Variants in SLC2A13 observed in about 807,000 individuals in gnomAD.
The protein encoded by SLC2A13 is solute carrier family 2 member 13, also known as proton myo-inositol cotransporter.
Under a neutral mutation model 64.4 loss-of-function variants are expected in SLC2A13, and 32 were observed. The ratio of observed to expected loss-of-function variants is 0.50; its 90% CI spans 0.37 to 0.67. The LOEUF is 0.67. Among genes scored for constraint, SLC2A13 ranks in the 30% least tolerant of loss-of-function variants. SLC2A13 has a pLI of 0.00. For synonymous variants in SLC2A13, 338 were observed against 327.1 expected, an observed-to-expected ratio of 1.03 and a Z score of -0.36; for missense variants, 743 against 829.2, an observed-to-expected ratio of 0.90 and a Z score of 1.28.
intron 7 of SLC2A13, among the ~76,000 whole-genome samples, chr12:39,800,759 G>T (rs1162651358): frequency 6.7e-4 from 3 of 4,478 alleles, no homozygotes; most frequent in Non-Finnish European, 9.9e-4. Flanking sequence ...TATACCCAAA[G>T]GACTATAAAT....
chr12:39,912,636 A>T (rs1945449738), intron 4 of SLC2A13, among the ~76,000 whole-genome samples: 1 of 152,006 alleles, frequency 6.6e-6, no homozygotes, highest in Non-Finnish European at 1.5e-5. Context: ...TAAAAATATC[A>T]CTTGCCCAGT....
chr12:39,997,086 T>G (rs2136175673), intron 3 of SLC2A13, among the ~76,000 whole-genome samples: 1 of 152,234 alleles, frequency 6.6e-6, no homozygotes, highest in East Asian at 1.9e-4. Context: ...AAAGCAAGAC[T>G]AAGCAAAAAG....
intron 4 of SLC2A13, among the ~76,000 whole-genome samples, chr12:39,912,544 T>C (rs1945448488): frequency 6.6e-6 from 1 of 152,058 alleles, no homozygotes; most frequent in Admixed American, 6.6e-5. Flanking sequence ...AAAGTTATAA[T>C]CGAGGAAGAT....
chr12:39,835,771 G>C (rs963827965), intron 6 of SLC2A13: 10 of 152,094 alleles, frequency 6.6e-5, no homozygotes, highest in African/African-American at 2.4e-4. Flanking sequence ...AACAGCTCTA[G>C]AAATCAAGGC....
rs1192990149 is a variant in SLC2A13 at position 39,971,995 on chromosome 12, A to ATAT, written c.926-20631_926-20630insATA. 1.5e-3 allele frequency among the ~76,000 whole-genome samples: 72 copies of ATAT among 48,504 alleles called. 1 individual carries two copies. The highest frequency in any genetic ancestry group is 1.9e-3 in the Non-Finnish European group (43 of 22,074). The allele number at this position is 48,504 out of a possible 152,430, so 31.8% of individuals were successfully genotyped here. A position where few individuals can be genotyped will look rare whatever the true frequency, so the allele number is the denominator to read the frequency against. On this transcript the variant is annotated intron_variant, in intron 3 of 9. Coordinates refer to ENST00000280871, the MANE Select transcript of SLC2A13 (RefSeq NM_052885.4). ...AAGAGTGTCTCCAGAAAAAAAAAAAAAAATATATATATATATATATTTTTT... is the reference window on the plus strand; with the variant it reads ...AAGAGTGTCTCCAGAAAAAAAAAAAATATAAATATATATATATATATATTTTTT...
At chr12:39,772,080 C>T (rs77433494) in intron 7 of SLC2A13, among the ~76,000 whole-genome samples, 2,127 of 152,152 alleles carry the variant, frequency 0.014, 45 homozygotes, top group African/African-American at 0.048. Flanking sequence ...TTTCACTTTC[C>T]TCATTTATGT....
chr12:40,099,762 T>C (rs1939083716), intron 1 of SLC2A13, among the ~76,000 whole-genome samples: 1 of 152,154 alleles, frequency 6.6e-6, no homozygotes, highest in African/African-American at 2.4e-5. Flanking sequence ...AACAAAGCTG[T>C]TAATGTGTAT....
At chr12:40,006,242 A>G (rs1040848632) in intron 3 of SLC2A13, among the ~76,000 whole-genome samples, 5 of 152,224 alleles carry the variant, frequency 3.3e-5, no homozygotes, top group Non-Finnish European at 7.3e-5. Flanking sequence ...CCAAAAAGAA[A>G]TTTTGAAATG....
chr12:39,773,761 C>T (rs953913121), intron 7 of SLC2A13, among the ~76,000 whole-genome samples: 1 of 152,152 alleles, frequency 6.6e-6, no homozygotes, highest in Non-Finnish European at 1.5e-5. Flanking sequence ...TGTATAAAAA[C>T]CAAAACTTCC....
intron 4 of SLC2A13, among the ~76,000 whole-genome samples, chr12:39,924,030 T>C (rs1019538307): frequency 1.6e-4 from 24 of 152,128 alleles, no homozygotes; most frequent in African/African-American, 5.3e-4. Flanking sequence ...TTGTATTGAA[T>C]ACAGCTTATC....
At chr12:40,089,224 T>A (rs931097772) in intron 1 of SLC2A13, among the ~76,000 whole-genome samples, 1 of 152,138 alleles carries the variant, frequency 6.6e-6, no homozygotes, top group Admixed American at 6.6e-5. Flanking sequence ...AAGAACATAA[T>A]GTTCTTGATT....
At chr12:40,075,637 C>A (rs1276339978) in intron 1 of SLC2A13, among the ~76,000 whole-genome samples, 1 of 152,126 alleles carries the variant, frequency 6.6e-6, no homozygotes, top group Non-Finnish European at 1.5e-5. Flanking sequence ...AAGTTTATGT[C>A]TTTCACCAAG....
chr12:39,814,198 G>T (rs1942274163), intron 7 of SLC2A13, among the ~76,000 whole-genome samples: 2 of 152,184 alleles, frequency 1.3e-5, no homozygotes, highest in Non-Finnish European at 2.9e-5. Flanking sequence ...GATGTAGATT[G>T]TACTGCTGGA....
rs185533318 is a variant in SLC2A13 at position 39,881,653 on chromosome 12, T to A, written c.1035-9692A>T. Among the ~76,000 whole-genome samples the A allele has an allele frequency of 3.0e-3, 451 of 152,312 alleles. 2 individuals carry two copies. The highest frequency in any genetic ancestry group is 4.8e-3 in the Non-Finnish European group (325 of 68,036). On this transcript the variant is annotated intron_variant, in intron 4 of 9. Transcript: ENST00000280871. Reference sequence around the variant, plus strand: ...CATCTCAGCCGTCCCATACTCTTTTTCTGTGCCCTGTGAACTAAGTCTAGA... The same window carrying A: ...CATCTCAGCCGTCCCATACTCTTTTACTGTGCCCTGTGAACTAAGTCTAGA...
At chr12:40,057,333 G>T (rs1187164899) in intron 1 of SLC2A13, among the ~76,000 whole-genome samples, 1 of 152,044 alleles carries the variant, frequency 6.6e-6, no homozygotes, top group Non-Finnish European at 1.5e-5. Flanking sequence ...GGGTGCTAAA[G>T]CTGGAAACAT....
intron 7 of SLC2A13, among the ~76,000 whole-genome samples, chr12:39,787,978 G>C (rs1369278162): frequency 6.6e-6 from 1 of 152,118 alleles, no homozygotes; most frequent in Non-Finnish European, 1.5e-5. Context: ...TTCTATCATA[G>C]AAATTTGGCC....
At chr12:39,873,658 A>G (rs1215451447) in intron 4 of SLC2A13, among the ~76,000 whole-genome samples, 1 of 152,222 alleles carries the variant, frequency 6.6e-6, no homozygotes, top group Non-Finnish European at 1.5e-5. Context: ...TTAAAACAGA[A>G]GCTATTTTGA....
At chr12:39,923,591 C>T (rs1319384751) in intron 4 of SLC2A13, among the ~76,000 whole-genome samples, 2 of 151,200 alleles carry the variant, frequency 1.3e-5, no homozygotes, top group Admixed American at 1.3e-4. Flanking sequence ...GATGATTGCA[C>T]AACATTGTAA....
In SLC2A13 at chr12:39,756,575, A is replaced by T. The variant is rs1939974060; in HGVS notation, c.*3451T>A. 1 of 151,900 alleles carries T rather than the reference A, an allele frequency of 6.6e-6. No homozygotes were observed. Among genetic ancestry groups the T allele is most frequent in the South Asian group, 2.1e-4 (1 of 4,830 alleles). The allele number at this position is 151,900 out of a possible 1,614,324, so 9.4% of individuals were successfully genotyped here. ...TGTATTAGTGTCACTAAATTCTGAG[A>T]CTTTCTTAGATAAACATATGGATGG... On this transcript the variant is annotated 3_prime_UTR_variant, in exon 10 of 10. Coordinates refer to ENST00000280871, the MANE Select transcript of SLC2A13 (RefSeq NM_052885.4).
Sources: gnomAD v4.1 joint callset for allele counts (sites outside exome capture counted in the v4.1 genomes callset) on GRCh38, gnomAD v4.1.1 for gene constraint, MANE v1.5 for transcripts, NCBI Gene and HGNC (gene_info 2026-07-23, HGNC 2026-07-21) for gene names.